BRD2: variants seen among roughly 807,000 people sequenced by gnomAD.
BRD2 encodes the protein bromodomain containing 2.
A neutral mutation model predicts 79.1 loss-of-function variants in BRD2; 15 were observed. The ratio of observed to expected loss-of-function variants is 0.19; its 90% CI spans 0.13 to 0.29. The LOEUF is 0.29. Ranked by LOEUF, BRD2 falls within the 10% of genes least tolerant of loss-of-function variation. The pLI is 1.00. For missense variants in BRD2, 1,053 were observed against 991.3 expected, an observed-to-expected ratio of 1.06 and a Z score of -0.84; for synonymous variants, 488 against 358.6, an observed-to-expected ratio of 1.36 and a Z score of -4.08.
Position 32,978,330 on chromosome 6 carries a change from G to C in BRD2, c.1783G>C (p.Gly595Arg). ...GTCCAAGAAAGCAAGTGGCAGTGGG[G>C]GTGGCAGTGCTGCTTTAGGCCCTTC... ...KKSKKASGSG[G>R]GSAALGPSGF... Residue 595 changes from glycine (G) to arginine (R), a missense_variant, in exon 10 of 13, where the codon GGT becomes CGT. Gly to Arg is a moderately radical substitution (Grantham distance 125). Around this residue, in one of 5 missense-constraint regions of BRD2, gnomAD observed 454 missense variants for 430.5 expected, o/e 1.05. Transcript: ENST00000374825. The C allele has an allele frequency of 6.2e-7, 1 of 1,612,978 alleles. No homozygotes were observed. Among genetic ancestry groups the C allele is most frequent in the Non-Finnish European group, 8.5e-7 (1 of 1,179,954 alleles).
Position 32,972,619 on chromosome 6 carries a change from TTTGAA to T in BRD2, c.-279_-275del. The T allele has an allele frequency of 1.7e-6, 1 of 573,982 alleles. No homozygotes were observed. Among genetic ancestry groups the T allele is most frequent in the Non-Finnish European group, 3.1e-6 (1 of 321,894 alleles). The allele number at this position is 573,982 out of a possible 1,614,324, so 35.6% of individuals were successfully genotyped here. A position where few individuals can be genotyped will look rare whatever the true frequency, so the allele number is the denominator to read the frequency against. On this transcript the variant is annotated 5_prime_UTR_variant, in exon 2 of 13. Coordinates refer to ENST00000374825, the MANE Select transcript of BRD2 (RefSeq NM_005104.4). ...CGGTGTCTGAGATCGGGGACCGTCTTTTGAAGAGTCAGTCCCTCCTTAGTTGCCCG... is the reference window on the plus strand; with the variant it reads ...CGGTGTCTGAGATCGGGGACCGTCTTGAGTCAGTCCCTCCTTAGTTGCCCG...
Position 32,971,770 on chromosome 6 carries a change from G to C in BRD2, c.-1129G>C, listed in dbSNP as rs1778010154. The C allele has an allele frequency of 4.9e-6, 3 of 607,660 alleles. No individual in the cohort carries two copies. The highest frequency in any genetic ancestry group is 2.8e-5 in the East Asian group (1 of 35,126). 37.6% of individuals were successfully genotyped at this position (607,660 alleles called of 1,614,324 possible). Reference sequence around the variant, plus strand: ...GCTCGAGCTTGGCAGTCTCCAGTTGGGCTGTGCATGGAAGCTTGGGAAGAC... The same window carrying C: ...GCTCGAGCTTGGCAGTCTCCAGTTGCGCTGTGCATGGAAGCTTGGGAAGAC... On this transcript the variant is annotated 5_prime_UTR_variant, in exon 2 of 13. Coordinates refer to ENST00000374825, the MANE Select transcript of BRD2 (RefSeq NM_005104.4).
intron 10 of BRD2, 41 bp from the exon 11 acceptor site, chr6:32,979,787 T>G: frequency 6.3e-7 from 1 of 1,586,392 alleles, no homozygotes; most frequent in Non-Finnish European, 8.6e-7. Context: ...CTGGAAGAGG[T>G]TAATGAAGCT....
chr6:32,976,493 C>T (rs1380773916), intron 6 of BRD2, 29 bp downstream of exon 6: 3 of 1,603,340 alleles, frequency 1.9e-6, no homozygotes, highest in South Asian at 1.1e-5. Context: ...CTCTGGGCAG[C>T]AGGGAGGCAA....
intron 11 of BRD2, 60 bp from the exon 12 acceptor site, chr6:32,980,282 G>C: frequency 6.2e-7 from 1 of 1,601,964 alleles, no homozygotes; most frequent in African/African-American, 1.4e-5. Flanking sequence ...GGAACCTTAG[G>C]GGCCCATAAT....
At position 32,975,524 on chromosome 6, in the gene BRD2, G is replaced by A; in HGVS notation, c.471+3G>A. ...CCAACTGTTACATTTACAACAAGGT[G>A]AGTTTTTCTGTGTGTTCATTTAGTA... On this transcript the variant is annotated splice_donor_region_variant and intron_variant, in intron 4 of 12. Coordinates refer to ENST00000374825, the MANE Select transcript of BRD2 (RefSeq NM_005104.4). 1 of 1,610,778 alleles carries A rather than the reference G, an allele frequency of 6.2e-7. No individual in the cohort carries two copies. The highest frequency in any genetic ancestry group is 8.5e-7 in the Non-Finnish European group (1 of 1,179,426).
chr6:32,975,285 G>GGGT, intron 3 of BRD2, 99 bp from the exon 4 acceptor site: 1 of 692,092 alleles, frequency 1.4e-6, no homozygotes, highest in Non-Finnish European at 2.3e-6. Context: ...GCATAGGGGG[G>GGGT]GTGTGTGTGT....
In BRD2 at chr6:32,980,678, C is replaced by T. The variant is rs1383364926; in HGVS notation, c.2366C>T (p.Ser789Leu). The T allele has an allele frequency of 4.3e-6, 7 of 1,612,110 alleles. No homozygotes were observed. The highest frequency in any genetic ancestry group is 2.2e-5 in the East Asian group (1 of 44,864). ...SSSDSSSSSS[S>L]SSSSDTSDSD... ...TCAGATTCCAGCTCCTCCTCTTCCTCGTCGTCGTCTTCAGACACCAGTGAT... is the reference window on the plus strand; with the variant it reads ...TCAGATTCCAGCTCCTCCTCTTCCTTGTCGTCGTCTTCAGACACCAGTGAT... The change falls in exon 13 of 13, where the codon TCG becomes TTG. Residue 789 changes from serine to leucine, a missense_variant. By Grantham distance (145) the Ser-to-Leu change is moderately radical. Around this residue, in one of 5 missense-constraint regions of BRD2, gnomAD observed 139 missense variants for 133.2 expected, o/e 1.04. Coordinates refer to ENST00000374825, the MANE Select transcript of BRD2 (RefSeq NM_005104.4).
rs377045737 is a variant in BRD2, at chr6:32,975,532, C to T, written c.471+11C>T. ...TACATTTACAACAAGGTGAGTTTTT[C>T]TGTGTGTTCATTTAGTAGGTGGGGA... On this transcript the variant is annotated intron_variant, in intron 4 of 12. Coordinates refer to ENST00000374825, the MANE Select transcript of BRD2 (RefSeq NM_005104.4). The T allele has an allele frequency of 1.4e-5, 22 of 1,611,038 alleles. No homozygotes were observed. The African/African-American group carries it at 2.8e-4, about 21-fold the overall frequency.
In BRD2 at chr6:32,978,636, C is replaced by T. The variant is rs1470114572; in HGVS notation, c.1841+248C>T. ...TCAGATCATTGGGCCATTGGATTCCCATAAGGAGCATGCAGCCTGGATATG... is the reference window on the plus strand; with the variant it reads ...TCAGATCATTGGGCCATTGGATTCCTATAAGGAGCATGCAGCCTGGATATG... On this transcript the variant is annotated intron_variant, in intron 10 of 12. Transcript: ENST00000374825. 7 of 611,542 alleles carry T rather than the reference C, an allele frequency of 1.1e-5. No individual in the cohort carries two copies. The African/African-American group carries it at 1.3e-4, about 11-fold the overall frequency. 37.9% of individuals were successfully genotyped at this position (611,542 alleles called of 1,614,324 possible).
intron 1 of BRD2, among the ~76,000 whole-genome samples, 151 bp from the exon 2 acceptor site, chr6:32,971,444 G>A (rs1274293545): frequency 1.3e-5 from 2 of 152,156 alleles, no homozygotes; most frequent in African/African-American, 2.4e-5. Flanking sequence ...TTGAGGGAGG[G>A]AGTGGAGTAT....
In BRD2 at chr6:32,980,867, G is replaced by A. The variant is rs1422001762; in HGVS notation, c.*149G>A. On this transcript the variant is annotated 3_prime_UTR_variant, in exon 13 of 13. Coordinates refer to ENST00000374825, the MANE Select transcript of BRD2 (RefSeq NM_005104.4). ...GGAGAGCTGGCTCTGCAGTGGGGGAGGGATGCAGGGACATTTACTGAAGGA... is the reference window on the plus strand; with the variant it reads ...GGAGAGCTGGCTCTGCAGTGGGGGAAGGATGCAGGGACATTTACTGAAGGA... 2 of 893,044 alleles carry A rather than the reference G, an allele frequency of 2.2e-6. No individual in the cohort carries two copies. The highest frequency in any genetic ancestry group is 3.4e-6 in the Non-Finnish European group (2 of 595,454). The allele number at this position is 893,044 out of a possible 1,614,324, so 55.3% of individuals were successfully genotyped here.
In BRD2 at chr6:32,980,434, C is replaced by G. The variant is rs749578377; in HGVS notation, c.2239C>G (p.Leu747Val). ...EKRLQDVSGQ[L>V]NSTKKPPKKA... Reference sequence around the variant, plus strand: ...GCGGTTACAAGATGTCAGCGGACAGCTCAATTCTACTAAAAAGCCCCCCAA... The same window carrying G: ...GCGGTTACAAGATGTCAGCGGACAGGTCAATTCTACTAAAAAGCCCCCCAA... The change falls in exon 12 of 13, where the codon CTC becomes GTC. Residue 747 changes from leucine to valine, a missense_variant. This residue lies in a region of BRD2 where 139 missense variants were observed against 133.2 expected (regional missense o/e 1.04). Transcript: ENST00000374825. The G allele has an allele frequency of 6.2e-7, 1 of 1,613,086 alleles. No homozygotes were observed. Among genetic ancestry groups the G allele is most frequent in the Non-Finnish European group, 8.5e-7 (1 of 1,180,048 alleles).
chr6:32,973,633 G>A (rs1375942424), intron 2 of BRD2, among the ~76,000 whole-genome samples: 2 of 152,140 alleles, frequency 1.3e-5, no homozygotes, highest in East Asian at 1.9e-4. Flanking sequence ...CAGAGGGACT[G>A]TAAATGAACC....
rs1158990127 is a variant in BRD2 at position 32,971,738 on chromosome 6, A to G, written c.-1161A>G. On this transcript the variant is annotated 5_prime_UTR_variant, in exon 2 of 13. Coordinates refer to ENST00000374825, the MANE Select transcript of BRD2 (RefSeq NM_005104.4). Reference sequence around the variant, plus strand: ...GGCCAATGGAGGAGCTACGAATGGCACGACCTGCTCGAGCTTGGCAGTCTC... The same window carrying G: ...GGCCAATGGAGGAGCTACGAATGGCGCGACCTGCTCGAGCTTGGCAGTCTC... 3.5e-6 allele frequency: 2 copies of G among 576,982 alleles called. No homozygotes were observed. Among genetic ancestry groups the G allele is most frequent in the South Asian group, 2.1e-5 (1 of 48,390 alleles). The allele number at this position is 576,982 out of a possible 1,614,324, so 35.7% of individuals were successfully genotyped here. A position where few individuals can be genotyped will look rare whatever the true frequency, so the allele number is the denominator to read the frequency against.
intron 1 of BRD2, chr6:32,971,131 A>G (rs1275105098): frequency 6.5e-6 from 1 of 154,014 alleles, no homozygotes; most frequent in Non-Finnish European, 1.4e-5. Flanking sequence ...TTTTCCCTTA[A>G]GTCATCCCTC....
Position 32,971,872 on chromosome 6 carries a change from C to G in BRD2, c.-1027C>G, listed in dbSNP as rs1371610960. 1 of 701,886 alleles carries G rather than the reference C, an allele frequency of 1.4e-6. No individual in the cohort carries two copies. Among genetic ancestry groups the G allele is most frequent in the East Asian group, 2.7e-5 (1 of 37,256 alleles). 43.5% of individuals were successfully genotyped at this position (701,886 alleles called of 1,614,324 possible). On this transcript the variant is annotated 5_prime_UTR_variant, in exon 2 of 13. Transcript: ENST00000374825. ...CTTCCGCACCTCTTCCAACCACCCTCTTTCCCTGGAGTCGGCGGACCACAG... is the reference window on the plus strand; with the variant it reads ...CTTCCGCACCTCTTCCAACCACCCTGTTTCCCTGGAGTCGGCGGACCACAG...
At position 32,975,437 on chromosome 6, in the gene BRD2, A is replaced by T; in HGVS notation, c.387A>T (p.Arg129Ser). Reference sequence around the variant, plus strand: ...TGGACATGGGTACTATTAAGAGGAGACTTGAAAACAATTATTATTGGGCTG... The same window carrying T: ...TGGACATGGGTACTATTAAGAGGAGTCTTGAAAACAATTATTATTGGGCTG... ...QPMDMGTIKR[R>S]LENNYYWAAS... The change falls in exon 4 of 13, where the codon AGA becomes AGT. Residue 129 changes from arginine to serine, a missense_variant. Arg to Ser is a moderately radical substitution (Grantham distance 110). Around this residue, in one of 5 missense-constraint regions of BRD2, gnomAD observed 413 missense variants for 335.1 expected, o/e 1.23. Coordinates refer to ENST00000374825, the MANE Select transcript of BRD2 (RefSeq NM_005104.4). 1 of 1,611,636 alleles carries T rather than the reference A, an allele frequency of 6.2e-7. No homozygotes were observed. Among genetic ancestry groups the T allele is most frequent in the Non-Finnish European group, 8.5e-7 (1 of 1,178,828 alleles).
In BRD2 at chr6:32,980,517, CTG is replaced by C. The variant is rs1343995152; in HGVS notation, c.2269+55_2269+56del. On this transcript the variant is annotated intron_variant, in intron 12 of 12. Coordinates refer to ENST00000374825, the MANE Select transcript of BRD2 (RefSeq NM_005104.4). ...GATTGACTCCATCCTGCCTTCTTGA[CTG>C]TCTTTTATTGACAAATGAAGATTCA... 5.0e-5 allele frequency: 80 copies of C among 1,612,230 alleles called. No individual in the cohort carries two copies. The Middle Eastern group carries it at 1.6e-3, about 33-fold the overall frequency.
Sources: gnomAD v4.1 joint callset for allele counts (sites outside exome capture counted in the v4.1 genomes callset) on GRCh38, gnomAD v4.1.1 for gene constraint, gnomAD v4.1.1 regional missense constraint, MANE v1.5 for transcripts, NCBI Gene and HGNC (gene_info 2026-07-23, HGNC 2026-07-21) for gene names.